Variants in TMEM135 observed in about 807,000 individuals in gnomAD.
TMEM135 encodes peroxisomal membrane protein 52.
Under a neutral mutation model 60.3 loss-of-function variants are expected in TMEM135, and 30 were observed. The observed-to-expected ratio is 0.50, with a 90% CI of 0.37 to 0.68. TMEM135 has a LOEUF of 0.68. TMEM135 is among the 30% of genes least tolerant of loss of function. The pLI is 0.00. For missense variants in TMEM135, 468 were observed against 548.8 expected (o/e 0.85, Z 1.47); for synonymous variants, 190 against 186.7 (o/e 1.02, Z -0.14).
chr11:87,171,976 C>T (rs1939249123), intron 5 of TMEM135, among the ~76,000 whole-genome samples: 1 of 152,154 alleles, frequency 6.6e-6, no homozygotes, highest in Admixed American at 6.6e-5. Context: ...TGCTGCTCAC[C>T]TCCTGTTGTG....
chr11:87,325,964 C>T lies in TMEM135; in HGVS notation c.*4631C>T, dbSNP rs1942906160. On this transcript the variant is annotated 3_prime_UTR_variant, in exon 15 of 15. Coordinates refer to ENST00000305494, the MANE Select transcript of TMEM135 (RefSeq NM_022918.4). Reference sequence around the variant, plus strand: ...GGGTTTTATCTTTTGTCCCAGCAGACCTGAAAATCCCAGTATATTACCACA... The same window carrying T: ...GGGTTTTATCTTTTGTCCCAGCAGATCTGAAAATCCCAGTATATTACCACA... The T allele has an allele frequency of 2.2e-6, 1 of 453,874 alleles. No individual in the cohort carries two copies. The highest frequency in any genetic ancestry group is 4.4e-6 in the Non-Finnish European group (1 of 226,780). 28.1% of individuals were successfully genotyped at this position (453,874 alleles called of 1,614,324 possible). A position where few individuals can be genotyped will look rare whatever the true frequency, so the allele number is the denominator to read the frequency against.
At chr11:87,197,054 T>C (rs1420392015) in intron 5 of TMEM135, among the ~76,000 whole-genome samples, 1 of 152,060 alleles carries the variant, frequency 6.6e-6, no homozygotes, top group Non-Finnish European at 1.5e-5. Context: ...ATAAAGGAAA[T>C]TCAGATGTAG....
At chr11:87,225,229 T>A (rs1269446369) in intron 5 of TMEM135, among the ~76,000 whole-genome samples, 1 of 152,192 alleles carries the variant, frequency 6.6e-6, no homozygotes, top group Non-Finnish European at 1.5e-5. Context: ...TTTGGAATCT[T>A]ACCTGGTTTC....
intron 3 of TMEM135, among the ~76,000 whole-genome samples, chr11:87,079,290 G>T (rs1440824459): frequency 1.3e-5 from 2 of 152,184 alleles, no homozygotes; most frequent in Non-Finnish European, 2.9e-5. Flanking sequence ...ACAGATGTGA[G>T]CCACTGCGCC....
chr11:87,082,149 T>C (rs554324796), intron 3 of TMEM135, among the ~76,000 whole-genome samples: 1 of 152,300 alleles, frequency 6.6e-6, no homozygotes, highest in Admixed American at 6.5e-5. Flanking sequence ...AAGAAAAAAA[T>C]CAGGTTTTGT....
chr11:87,117,500 T>A (rs1349599980), intron 4 of TMEM135, among the ~76,000 whole-genome samples: 1 of 152,248 alleles, frequency 6.6e-6, no homozygotes, highest in East Asian at 1.9e-4. Context: ...GTCATTTCAA[T>A]AATGTCCACA....
At chr11:87,284,538 A>C (rs1942128699) in intron 6 of TMEM135, among the ~76,000 whole-genome samples, 1 of 152,246 alleles carries the variant, frequency 6.6e-6, no homozygotes, top group African/African-American at 2.4e-5. Flanking sequence ...CTGGGGACTT[A>C]GAATCTCACT....
intron 4 of TMEM135, among the ~76,000 whole-genome samples, chr11:87,136,007 G>A (rs749929210): frequency 1.3e-5 from 2 of 151,810 alleles, no homozygotes; most frequent in Non-Finnish European, 2.9e-5. Flanking sequence ...ATTGTCAATA[G>A]TGTTGTTTTA....
Position 87,277,374 on chromosome 11 carries a change from A to G in TMEM135, c.510-18408A>G, listed in dbSNP as rs138508148. 8.2e-4 allele frequency: 242 copies of G among 293,544 alleles called. 1 individual carries two copies. Among genetic ancestry groups the G allele is most frequent in the African/African-American group, 4.9e-3 (218 of 44,256 alleles). 18.2% of individuals were successfully genotyped at this position (293,544 alleles called of 1,614,324 possible). A position where few individuals can be genotyped will look rare whatever the true frequency, so the allele number is the denominator to read the frequency against. ...TTGAATTCTTGGCCTTAAGTGATCC[A>G]CCTGCCTTGGCCTCCCAAAGTGCTG... On this transcript the variant is annotated intron_variant, in intron 6 of 14. Transcript: ENST00000305494.
rs369459879 is a variant in TMEM135 at position 87,260,693 on chromosome 11, G to A, written c.509+24009G>A. Among the ~76,000 whole-genome samples, 79 of 151,350 alleles carry A rather than the reference G, an allele frequency of 5.2e-4. No homozygotes were observed. The Middle Eastern group carries it at 0.01, about 20-fold the overall frequency. On this transcript the variant is annotated intron_variant, in intron 6 of 14. Coordinates refer to ENST00000305494, the MANE Select transcript of TMEM135 (RefSeq NM_022918.4). ...GCATTAATTTTTTATTGTTCTTTGG[G>A]AAAACAGAAATAGTACTGATAAGGA...
At chr11:87,294,619 G>A (rs1384804597) in intron 6 of TMEM135, among the ~76,000 whole-genome samples, 1 of 152,214 alleles carries the variant, frequency 6.6e-6, no homozygotes, top group African/African-American at 2.4e-5. Context: ...CTAATCTCAG[G>A]TGATCCGCCG....
intron 6 of TMEM135, among the ~76,000 whole-genome samples, chr11:87,260,054 A>G (rs118137682): frequency 0.027 from 4,069 of 152,294 alleles, 69 homozygotes; most frequent in Admixed American, 0.04. Flanking sequence ...AGCTGCTCTC[A>G]AATGCTTTCT....
intron 4 of TMEM135, among the ~76,000 whole-genome samples, chr11:87,106,820 T>C (rs760969780): frequency 5.3e-5 from 8 of 152,276 alleles, no homozygotes; most frequent in African/African-American, 1.9e-4. Flanking sequence ...TGGCTAATGG[T>C]TCTGCAGGCT....
chr11:87,107,536 T>C (rs1857629539), intron 4 of TMEM135, among the ~76,000 whole-genome samples: 1 of 152,060 alleles, frequency 6.6e-6, no homozygotes, highest in Non-Finnish European at 1.5e-5. Context: ...GTCCTTGTGA[T>C]AGCTTGCTCA....
chr11:87,288,959 G>T (rs1240101591), intron 6 of TMEM135, among the ~76,000 whole-genome samples: 2 of 152,122 alleles, frequency 1.3e-5, no homozygotes, highest in African/African-American at 2.4e-5. Flanking sequence ...ATCCCATCTT[G>T]GGGGGTGAGG....
At chr11:87,044,189 A>C (rs1040873684) in intron 1 of TMEM135, among the ~76,000 whole-genome samples, 1 of 152,112 alleles carries the variant, frequency 6.6e-6, no homozygotes, top group African/African-American at 2.4e-5. Flanking sequence ...CTCTGAATAA[A>C]CATTTAAGCC....
At chr11:87,197,267 A>G (rs905784429) in intron 5 of TMEM135, among the ~76,000 whole-genome samples, 1 of 152,112 alleles carries the variant, frequency 6.6e-6, no homozygotes, top group South Asian at 2.1e-4. Flanking sequence ...CAGAAGGTGC[A>G]ATAGCTGGAC....
Position 87,069,358 on chromosome 11 carries a change from A to G in TMEM135, c.269+1537A>G, listed in dbSNP as rs532584083. Among the ~76,000 whole-genome samples, 263 of 151,724 alleles carry G rather than the reference A, an allele frequency of 1.7e-3. 3 individuals are homozygous for G. Among genetic ancestry groups the G allele is most frequent in the African/African-American group, 6.0e-3 (247 of 41,390 alleles). On this transcript the variant is annotated intron_variant, in intron 2 of 14. Transcript: ENST00000305494. ...GTTTTTAAAAAAATTGCAGTTAAGT[A>G]TACCTTGCTATTGCAGCATCTTTAT... is the stretch of plus-strand genomic sequence containing the variant.
intron 3 of TMEM135, among the ~76,000 whole-genome samples, chr11:87,072,825 G>T (rs1856796445): frequency 6.6e-6 from 1 of 152,094 alleles, no homozygotes; most frequent in Admixed American, 6.6e-5. Context: ...AAGTTTAAAG[G>T]TTTTGCCATA....
Sources: gnomAD v4.1 joint callset for allele counts (sites outside exome capture counted in the v4.1 genomes callset) on GRCh38, gnomAD v4.1.1 for gene constraint, MANE v1.5 for transcripts, NCBI Gene and HGNC (gene_info 2026-07-23, HGNC 2026-07-21) for gene names.